The following CLCN6 variants were observed in gnomAD, a reference collection of about 807,000 sequenced individuals.
CLCN6 encodes Cl-/H+ antiporter 6, also known as H(+)/Cl(-) exchange transporter 6.
In CLCN6, 70 loss-of-function variants were observed where a neutral mutation model predicts 109.8. That is an observed-to-expected ratio of 0.64 (90% CI 0.53 to 0.78). CLCN6 has a LOEUF of 0.78. Among genes scored for constraint, CLCN6 ranks in the 30% least tolerant of loss-of-function variants. The probability of loss-of-function intolerance (pLI) is 0.00; values close to 1 mark genes in which losing one functional copy is unlikely to be tolerated. For missense variants in CLCN6, 984 were observed against 1,142.3 expected (o/e 0.86, Z 2.00); for synonymous variants, 444 against 447.8 (o/e 0.99, Z 0.11).
intron 22 of CLCN6, chr1:11,839,083 G>T: frequency 1.7e-6 from 1 of 588,100 alleles, no homozygotes; most frequent in East Asian, 2.8e-5. Context: ...CTTCTTTTTA[G>T]AACTTCATTA....
Position 11,834,524 on chromosome 1 carries a change from A to T in CLCN6, c.1727A>T (p.Tyr576Phe), listed in dbSNP as rs1644920776. ...WTGDFFNKGI[Y>F]DIHVGLRGVP... Reference sequence around the variant, plus strand: ...GGGGACTTTTTCAATAAGGGCATTTATGATATCCACGTGGGCCTGCGAGGC... The same window carrying T: ...GGGGACTTTTTCAATAAGGGCATTTTTGATATCCACGTGGGCCTGCGAGGC... The change falls in exon 17 of 23, where the codon TAT becomes TTT. Residue 576 changes from tyrosine to phenylalanine, a missense_variant. Tyr to Phe is a conservative substitution (Grantham distance 22). Transcript: ENST00000346436. This position sits in a 1 kb window ranked among gnomAD's most constrained non-coding sequence, Gnocchi z 4.5. 1 of 1,614,004 alleles carries T rather than the reference A, an allele frequency of 6.2e-7. No homozygotes were observed. The highest frequency in any genetic ancestry group is 8.5e-7 in the Non-Finnish European group (1 of 1,180,028).
intron 1 of CLCN6, 162 bp downstream of exon 1, chr1:11,806,511 G>A (rs751821927): frequency 1.1e-4 from 60 of 539,460 alleles, no homozygotes; most frequent in Non-Finnish European, 1.7e-4. Flanking sequence ...TGCTTCACGT[G>A]CCTAAGTCTG....
Position 11,838,552 on chromosome 1 carries a change from G to A in CLCN6, c.2421G>A (p.Met807Ile), listed in dbSNP as rs780639912. ...CTTTGCAGGATGTCACCCCATACAT[G>A]AACCCTTCGCCTTTCACCGTCTCGC... is the stretch of plus-strand genomic sequence containing the variant. ...PRMIVDVTPY[M>I]NPSPFTVSPN... The change falls in exon 22 of 23, where the codon ATG becomes ATA. Residue 807 changes from methionine to isoleucine, a missense_variant. By Grantham distance (10) the Met-to-Ile change is conservative. Transcript: ENST00000346436. The A allele has an allele frequency of 2.5e-6, 4 of 1,610,790 alleles. No individual in the cohort carries two copies. The East Asian group carries it at 8.9e-5, about 36-fold the overall frequency.
intron 2 of CLCN6, among the ~76,000 whole-genome samples, chr1:11,813,298 T>C (rs1644626073): frequency 6.6e-6 from 1 of 152,192 alleles, no homozygotes; most frequent in Non-Finnish European, 1.5e-5. Context: ...ACAATACATA[T>C]GTAGGTGCAT....
At chr1:11,814,374 C>T (rs114083374) in intron 2 of CLCN6, among the ~76,000 whole-genome samples, 14,994 of 151,812 alleles carry the variant, frequency 0.099, 795 homozygotes, top group South Asian at 0.16. Flanking sequence ...CCTAGCCTCC[C>T]GAGTAGCTGG....
In CLCN6 at chr1:11,833,622, G is replaced by A. The variant is rs1570537992; in HGVS notation, c.1356G>A (p.Gln452=). 2.5e-6 allele frequency: 4 copies of A among 1,613,702 alleles called. No homozygotes were observed. The African/African-American group carries it at 5.3e-5, about 21-fold the overall frequency. ...FFNPQESAIL[Q]LFHQDGTFSP... ...ACCCGCAGGAGTCTGCCATCCTCCA[G>A]CTCTTCCACCAGGATGGTGAGTGTC... is the stretch of plus-strand genomic sequence containing the variant. Residue 452 remains glutamine, a synonymous_variant, in exon 14 of 23, where the codon CAG becomes CAA. Coordinates refer to ENST00000346436, the MANE Select transcript of CLCN6 (RefSeq NM_001286.5).
At chr1:11,831,774 C>A (rs1317504129) in intron 13 of CLCN6, among the ~76,000 whole-genome samples, 2 of 152,130 alleles carry the variant, frequency 1.3e-5, no homozygotes, top group Admixed American at 1.3e-4. Context: ...ACCTCAAACT[C>A]CTGGGCTCAA....
rs748884475 is a variant in CLCN6 at position 11,807,196 on chromosome 1, C to T, written c.147+6C>T. 1.9e-6 allele frequency: 3 copies of T among 1,613,560 alleles called. No individual in the cohort carries two copies. Among genetic ancestry groups the T allele is most frequent in the Non-Finnish European group, 2.5e-6 (3 of 1,179,472 alleles). ...TTCCAAGGAAAGACTATGAGGTGAGCTCCTTTGATACTGCTTGGGCAACTA... is the reference window on the plus strand; with the variant it reads ...TTCCAAGGAAAGACTATGAGGTGAGTTCCTTTGATACTGCTTGGGCAACTA... On this transcript the variant is annotated splice_donor_region_variant and intron_variant, in intron 2 of 22. Coordinates refer to ENST00000346436, the MANE Select transcript of CLCN6 (RefSeq NM_001286.5).
At chr1:11,830,676 C>G (rs1406988709) in intron 13 of CLCN6, among the ~76,000 whole-genome samples, 2 of 149,572 alleles carry the variant, frequency 1.3e-5, no homozygotes, top group African/African-American at 2.5e-5. Flanking sequence ...TCTCTCAGAT[C>G]CCCATTGGGG....
At chr1:11,808,436 T>A (rs1459566045) in intron 2 of CLCN6, among the ~76,000 whole-genome samples, 4 of 152,114 alleles carry the variant, frequency 2.6e-5, no homozygotes, top group Non-Finnish European at 5.9e-5. Flanking sequence ...TACATCATAT[T>A]ATTTCACCCA....
Position 11,815,176 on chromosome 1 carries a change from A to G in CLCN6, c.148-670A>G, listed in dbSNP as rs912356683. On this transcript the variant is annotated intron_variant, in intron 2 of 22. Transcript: ENST00000346436. Reference sequence around the variant, plus strand: ...ATTCTAAATTAATTTGGTTCTGGCTAACTGAAACTTTTGTTCATATCTAAT... The same window carrying G: ...ATTCTAAATTAATTTGGTTCTGGCTGACTGAAACTTTTGTTCATATCTAAT... Among the ~76,000 whole-genome samples, 8 of 152,196 alleles carry G rather than the reference A, an allele frequency of 5.3e-5. 1 individual carries two copies. Among genetic ancestry groups the G allele is most frequent in the Admixed American group, 5.2e-4 (8 of 15,278 alleles).
intron 13 of CLCN6, 47 bp downstream of exon 13, chr1:11,829,369 A>C: frequency 6.2e-7 from 1 of 1,610,614 alleles, no homozygotes; most frequent in African/African-American, 1.3e-5. Context: ...ACGAGGAAGA[A>C]TCCAGAAATG....
intron 2 of CLCN6, among the ~76,000 whole-genome samples, chr1:11,811,384 ATT>A (rs112220577): frequency 2.1e-5 from 3 of 144,116 alleles, no homozygotes; most frequent in Admixed American, 1.4e-4. Context: ...CCTACAGTCA[ATT>A]TTTTTTTTTT....
chr1:11,834,066 A>ATGTGTGTGCGCGTGTGCG lies in CLCN6; in HGVS notation c.1526+45_1526+46insGCGTGTGCGTGTGTGTGC. Reference sequence around the variant, plus strand: ...TGTGTGCGTGTGTGTGCGCATGTGCATGTGTGTGCACGTGTGCGTGTGTAT... The same window carrying ATGTGTGTGCGCGTGTGCG: ...TGTGTGCGTGTGTGTGCGCATGTGCATGTGTGTGCGCGTGTGCGTGTGTGTGCACGTGTGCGTGTGTAT... On this transcript the variant is annotated intron_variant, in intron 15 of 22. Coordinates refer to ENST00000346436, the MANE Select transcript of CLCN6 (RefSeq NM_001286.5). The surrounding 1 kb of genome is among the most constrained non-coding windows in gnomAD (Gnocchi z 4.5). 1 of 1,608,386 alleles carries ATGTGTGTGCGCGTGTGCG rather than the reference A, an allele frequency of 6.2e-7. No individual in the cohort carries two copies. Among genetic ancestry groups the ATGTGTGTGCGCGTGTGCG allele is most frequent in the Non-Finnish European group, 8.5e-7 (1 of 1,177,034 alleles).
chr1:11,834,006 G>A lies in CLCN6; in HGVS notation c.1502G>A (p.Arg501His), dbSNP rs1163943370. ...CTGCTGTGTGGAGCTGCTTTTGGAC[G>A]TTTAGTTGCCAATGTCCTAAAAAGG... ...PSLLCGAAFGRLVANVLKSYI... is the reference protein window; with the variant it reads ...PSLLCGAAFGHLVANVLKSYI... Residue 501 changes from arginine to histidine, a missense_variant, in exon 15 of 23, where the codon CGT becomes CAT. Transcript: ENST00000346436. The surrounding 1 kb of genome is among the most constrained non-coding windows in gnomAD (Gnocchi z 4.5). 2.9e-5 allele frequency: 47 copies of A among 1,613,962 alleles called. No individual in the cohort carries two copies. Among genetic ancestry groups the A allele is most frequent in the African/African-American group, 4.0e-5 (3 of 74,922 alleles).
intron 6 of CLCN6, 75 bp from the exon 7 acceptor site, chr1:11,823,631 GC>G: frequency 6.3e-7 from 1 of 1,598,868 alleles, no homozygotes; most frequent in Admixed American, 1.7e-5. Flanking sequence ...TCCCTCTTCC[GC>G]CGCCCAGATT....
chr1:11,840,097 A>T (rs770723100), intron 22 of CLCN6, 46 bp from the exon 23 acceptor site: 13 of 1,520,456 alleles, frequency 8.6e-6, no homozygotes, highest in South Asian at 3.4e-5. Flanking sequence ...TGTTCTCGCC[A>T]GCGGGTTTTA....
At chr1:11,826,261 C>A in intron 9 of CLCN6, 47 bp downstream of exon 9, 2 of 1,469,950 alleles carry the variant, frequency 1.4e-6, no homozygotes, top group South Asian at 1.1e-5. Flanking sequence ...ACAACATGTT[C>A]ATGCGCTGCG....
Position 11,837,810 on chromosome 1 carries a change from C to A in CLCN6, c.2295+311C>A, listed in dbSNP as rs557803018. Among the ~76,000 whole-genome samples, 7 of 152,248 alleles carry A rather than the reference C, an allele frequency of 4.6e-5. 1 individual carries two copies. The highest frequency in any genetic ancestry group is 1.7e-4 in the African/African-American group (7 of 41,532). On this transcript the variant is annotated intron_variant, in intron 20 of 22. Transcript: ENST00000346436. Reference sequence around the variant, plus strand: ...AGACCTTGGTGCTCCTGACTGTGAACACAGCCCCCATCCTCGCCACTGTCA... The same window carrying A: ...AGACCTTGGTGCTCCTGACTGTGAAAACAGCCCCCATCCTCGCCACTGTCA...
Sources: allele counts gnomAD v4.1 joint callset (sites outside exome capture counted in the v4.1 genomes callset), GRCh38; gene constraint gnomAD v4.1.1; non-coding constraint Gnocchi (gnomAD v3.1); transcripts MANE v1.5; gene names NCBI Gene and HGNC (gene_info 2026-07-23, HGNC 2026-07-21).